Variants in MEN1 observed in about 807,000 individuals in gnomAD.
The protein encoded by MEN1 is menin 1.
MEN1 carries 6 observed loss-of-function variants against 58.0 expected under a neutral mutation model. That is an observed-to-expected ratio of 0.10 (90% confidence interval 0.06 to 0.20). The LOEUF (loss-of-function observed/expected upper bound fraction) is 0.20, where lower values mean the gene tolerates loss of function less well. Among genes scored for constraint, MEN1 ranks in the 10% least tolerant of loss-of-function variants. MEN1 has a pLI of 1.00. For missense variants in MEN1, 492 were observed against 818.5 expected, an observed-to-expected ratio of 0.60 and a Z score of 4.87; for synonymous variants, 346 against 350.7, an observed-to-expected ratio of 0.99 and a Z score of 0.15.
chr11:64,809,589 T>G, intron 2 of MEN1, 76 bp downstream of exon 2: 1 of 1,563,760 alleles, frequency 6.4e-7, no homozygotes, highest in Non-Finnish European at 8.8e-7. Flanking sequence ...TTACAGTTCT[T>G]AAAAGGGTTC....
At chr11:64,805,236 TACTC>T (rs750117147) in intron 8 of MEN1, 38 bp from the exon 9 acceptor site, 33 of 1,607,884 alleles carry the variant, frequency 2.1e-5, no homozygotes, top group Admixed American at 3.3e-5. Context: ...ATCAGTCTCT[TACTC>T]ACCCCTTAGC....
At chr11:64,805,961 G>A (rs1334275001) in intron 7 of MEN1, 191 bp from the exon 8 acceptor site, 1 of 679,548 alleles carries the variant, frequency 1.5e-6, no homozygotes, top group East Asian at 2.6e-5. Flanking sequence ...GGCCGAGGGT[G>A]GAAGTCCCAC....
At chr11:64,806,493 C>T in intron 6 of MEN1, 125 bp from the exon 7 acceptor site, 1 of 1,105,302 alleles carries the variant, frequency 9.0e-7, no homozygotes, top group Non-Finnish European at 1.4e-6. Flanking sequence ...TCTCCATCTC[C>T]ACTCCCACCT....
chr11:64,806,038 G>A, intron 7 of MEN1, 194 bp downstream of exon 7: 1 of 697,406 alleles, frequency 1.4e-6, no homozygotes. Context: ...ATTAGGAGGA[G>A]AGGGGAGGGA....
At chr11:64,809,032 C>T (rs1297396771) in intron 2 of MEN1, among the ~76,000 whole-genome samples, 1 of 151,466 alleles carries the variant, frequency 6.6e-6, no homozygotes, top group East Asian at 1.9e-4. Flanking sequence ...GAGACTGAGG[C>T]GGGCAGATCA....
rs1565651820 is a variant in MEN1, at chr11:64,809,829, G to A, written c.281C>T (p.Thr94Ile). ...GTCGACGGCGCCTCGGATCTGGGCG[G>A]TGAAGCGGGCATAGAGGGCGGCGAT... ...SIIAALYARF[T>I]AQIRGAVDLS... The change falls in exon 2 of 10, where the codon ACC becomes ATC. Residue 94 changes from threonine to isoleucine, a missense_variant. Thr to Ile is a moderately conservative substitution (Grantham distance 89, BLOSUM62 -1). Transcript: ENST00000450708. 1.2e-6 allele frequency: 2 copies of A among 1,613,700 alleles called. No individual in the cohort carries two copies. Among genetic ancestry groups the A allele is most frequent in the Non-Finnish European group, 1.7e-6 (2 of 1,179,826 alleles).
Position 64,807,350 on chromosome 11 carries a change from C to T in MEN1, c.784-131G>A. The T allele has an allele frequency of 8.5e-7, 1 of 1,177,130 alleles. No homozygotes were observed. The highest frequency in any genetic ancestry group is 1.2e-6 in the Non-Finnish European group (1 of 816,650). The allele number at this position is 1,177,130 out of a possible 1,614,324, so 72.9% of individuals were successfully genotyped here. On this transcript the variant is annotated intron_variant, in intron 4 of 9. Transcript: ENST00000450708. This position sits in a 1 kb window ranked among gnomAD's most constrained non-coding sequence, Gnocchi z 4.9. ...TGTGGAAGGGCCAAAATTCTGGGAC[C>T]AGCCCTTTAATGGAGTCAAAGCAAT...
In MEN1 at chr11:64,807,712, G is replaced by A. The variant is rs370583747; in HGVS notation, c.655-32C>T. On this transcript the variant is annotated intron_variant, in intron 3 of 9. Transcript: ENST00000450708. This position sits in a 1 kb window ranked among gnomAD's most constrained non-coding sequence, Gnocchi z 4.9. The stretch of plus-strand genomic sequence containing the variant: ...GGGGGATGAGATCATTATGTCTCAT[G>A]ATGGCCCACCCTGTGCCTGCTTCAG... 2 of 1,613,992 alleles carry A rather than the reference G, an allele frequency of 1.2e-6. No homozygotes were observed. The highest frequency in any genetic ancestry group is 2.2e-5 in the South Asian group (2 of 91,070).
rs1409781409 is a variant in MEN1, at chr11:64,807,026, G to A, written c.897C>T (p.Leu299=). 1.2e-6 allele frequency: 2 copies of A among 1,613,066 alleles called. No homozygotes were observed. Among genetic ancestry groups the A allele is most frequent in the Non-Finnish European group, 1.7e-6 (2 of 1,179,994 alleles). The change falls in exon 6 of 10, where the codon CTC becomes CTT. Residue 299 remains leucine (L), a synonymous_variant. Transcript: ENST00000450708. This position sits in a 1 kb window ranked among gnomAD's most constrained non-coding sequence, Gnocchi z 4.9. ...ATGCCCCCACCTTGTGGTAGAGGGT[G>A]AGTGGGTCTGGCCGGCCAGGGGTGG... ...LEPTPGRPDP[L]TLYHKGIASA... is the part of the protein sequence containing the mutation.
chr11:64,809,263 C>CA (rs11404218), intron 2 of MEN1, among the ~76,000 whole-genome samples: 98,420 of 116,086 alleles, frequency 0.85, 42,479 homozygotes, highest in Non-Finnish European at 0.95. Flanking sequence ...GACCCTGTCT[C>CA]AAAAAAAAAA....
Position 64,804,201 on chromosome 11 carries a change from C to G in MEN1, c.*133G>C, listed in dbSNP as rs2136074819. On this transcript the variant is annotated 3_prime_UTR_variant, in exon 10 of 10. Transcript: ENST00000450708. The surrounding 1 kb of genome is among the most constrained non-coding windows in gnomAD (Gnocchi z 4.2). ...TCGTGGGTTTGATACAGACTGTACT[C>G]GGGACCGGGAACCTAGGGTTTGGGT... 8.4e-7 allele frequency: 1 copy of G among 1,186,758 alleles called. No homozygotes were observed. The highest frequency in any genetic ancestry group is 1.2e-6 in the Non-Finnish European group (1 of 805,230). 73.5% of individuals were successfully genotyped at this position (1,186,758 alleles called of 1,614,324 possible).
At chr11:64,809,417 G>A in intron 2 of MEN1, among the ~76,000 whole-genome samples, 1 of 152,160 alleles carries the variant, frequency 6.6e-6, no homozygotes, top group African/African-American at 2.4e-5. Context: ...GGGTGGGGGT[G>A]CTGAGGGGGC....
At chr11:64,806,439 C>A (rs1346676204) in intron 6 of MEN1, 71 bp from the exon 7 acceptor site, 1 of 1,577,116 alleles carries the variant, frequency 6.3e-7, no homozygotes, top group East Asian at 2.2e-5. Context: ...AATGCCCCAC[C>A]AGGGCACACC....
chr11:64,805,550 C>G (rs1378568729), intron 8 of MEN1, 85 bp downstream of exon 8: 1 of 1,547,258 alleles, frequency 6.5e-7, no homozygotes, highest in Non-Finnish European at 8.8e-7. Context: ...CATCCCTAAT[C>G]CCGTACATGC....
At chr11:64,808,124 G>C in intron 2 of MEN1, 25 bp from the exon 3 acceptor site, 2 of 1,583,202 alleles carry the variant, frequency 1.3e-6, no homozygotes, top group Non-Finnish European at 1.7e-6. Context: ...GGTAATGAAA[G>C]AGGGTCCTCT....
In MEN1 at chr11:64,808,039, C is replaced by G. The variant is rs1941867279; in HGVS notation, c.506G>C (p.Gly169Ala). ...CAGGGCGAGGTGGACATCCCGGAGA[C>G]CCAGGGCCTGGCAGGCCCCAACCAC... The part of the protein sequence containing the change: ...FAVVGACQAL[G>A]LRDVHLALSE... The change falls in exon 3 of 10, where the codon GGT becomes GCT. Residue 169 changes from glycine to alanine, a missense_variant. Gly to Ala is a moderately conservative substitution (Grantham distance 60, BLOSUM62 0). This residue lies in a region of MEN1 where 335 missense variants were observed against 550.3 expected (regional missense o/e 0.61). Coordinates refer to ENST00000450708, the MANE Select transcript of MEN1 (RefSeq NM_001370259.2). 1 of 1,614,112 alleles carries G rather than the reference C, an allele frequency of 6.2e-7. No individual in the cohort carries two copies. Among genetic ancestry groups the G allele is most frequent in the Non-Finnish European group, 8.5e-7 (1 of 1,180,012 alleles).
Position 64,809,865 on chromosome 11 carries a change from T to G in MEN1, c.245A>C (p.Asp82Ala), listed in dbSNP as rs1174958165. The change falls in exon 2 of 10, where the codon GAC becomes GCC. Residue 82 changes from aspartate (D) to alanine (A), a missense_variant. Asp to Ala is a moderately radical substitution (Grantham distance 126). Transcript: ENST00000450708. ...PGGLTYFPVA[D>A]LSIIAALYAR... Reference sequence around the variant, plus strand: ...ATAGAGGGCGGCGATGATAGACAGGTCGGCCACGGGAAAGTAGGTGAGGCC... The same window carrying G: ...ATAGAGGGCGGCGATGATAGACAGGGCGGCCACGGGAAAGTAGGTGAGGCC... 1 of 1,600,688 alleles carries G rather than the reference T, an allele frequency of 6.2e-7. No individual in the cohort carries two copies. Among genetic ancestry groups the G allele is most frequent in the African/African-American group, 1.4e-5 (1 of 71,420 alleles).
upstream of MEN1, chr11:64,810,672 T>C: frequency 6.5e-6 from 1 of 154,152 alleles, no homozygotes; most frequent in Non-Finnish European, 1.4e-5. Context: ...GCCGGGCCGC[T>C]GCGCTGTGGC....
intron 1 of MEN1, 184 bp downstream of exon 1, chr11:64,810,330 A>G (rs1942047696): frequency 1.7e-6 from 1 of 581,766 alleles, no homozygotes; most frequent in Non-Finnish European, 3.0e-6. Flanking sequence ...TTTGTCCCCC[A>G]CAATTCCGGG....
Sources: allele counts gnomAD v4.1 joint callset (sites outside exome capture counted in the v4.1 genomes callset), GRCh38; gene constraint gnomAD v4.1.1; regional missense constraint gnomAD v4.1.1; non-coding constraint Gnocchi (gnomAD v3.1); transcripts MANE v1.5; gene names NCBI Gene and HGNC (gene_info 2026-07-23, HGNC 2026-07-21).